Variants in SPMAP2 observed in about 807,000 individuals in gnomAD.
The protein encoded by SPMAP2 is Theg homolog.
chr19:373,305 A>G, the SPMAP2 span, among the ~76,000 whole-genome samples: 2 of 152,132 alleles, frequency 1.3e-5, no homozygotes. Flanking sequence ...CACCCCCAGG[A>G]CCAGTCTCAG....
At chr19:362,111 C>A in the SPMAP2 span, 2 of 1,008,466 alleles carry the variant, frequency 2.0e-6, no homozygotes, top group African/African-American at 1.7e-5. Flanking sequence ...GGCCTTCTAG[C>A]CCGCCCTCCC....
chr19:375,896 C>T, the SPMAP2 span: 3 of 1,532,796 alleles, frequency 2.0e-6, no homozygotes, highest in Admixed American at 6.0e-5. Flanking sequence ...GGTCGCCGTC[C>T]TGCTCCCTTT....
At chr19:370,391 G>C in the SPMAP2 span, among the ~76,000 whole-genome samples, 9 of 151,794 alleles carry the variant, frequency 5.9e-5, no homozygotes. Flanking sequence ...GCCCAGGCTG[G>C]AGGGCAGTGG....
the SPMAP2 span, chr19:371,249 C>A: frequency 2.6e-6 from 4 of 1,510,184 alleles, no homozygotes; most frequent in African/African-American, 1.4e-5. Context: ...ATCTTCGGGG[C>A]GGCCAGTTCC....
the SPMAP2 span, among the ~76,000 whole-genome samples, chr19:364,687 C>T: frequency 6.6e-6 from 1 of 152,128 alleles, no homozygotes; most frequent in Non-Finnish European, 1.5e-5. Flanking sequence ...TCTCCTCCCC[C>T]TGGCTGGGGT....
At chr19:374,491 C>A in the SPMAP2 span, 1 of 1,601,708 alleles carries the variant, frequency 6.2e-7, no homozygotes, top group Non-Finnish European at 8.5e-7. Context: ...CCCAGAGAAG[C>A]GTGGGTCTTG....
chr19:362,500 G>C, the SPMAP2 span: 15 of 1,253,514 alleles, frequency 1.2e-5, no homozygotes, highest in Non-Finnish European at 1.6e-5. Context: ...GGGCATGGGA[G>C]CTCACACCTG....
chr19:374,004 G>T, the SPMAP2 span: 1 of 1,613,348 alleles, frequency 6.2e-7, no homozygotes. Context: ...TTACCACAGC[G>T]TCCCTTCCTG....
At chr19:372,903 G>A in the SPMAP2 span, among the ~76,000 whole-genome samples, 1 of 152,240 alleles carries the variant, frequency 6.6e-6, no homozygotes, top group South Asian at 2.1e-4. Flanking sequence ...GGGCTCAGAG[G>A]CTTGAAGGTC....
At chr19:373,970 C>A in the SPMAP2 span, 1 of 1,613,666 alleles carries the variant, frequency 6.2e-7, no homozygotes, top group Non-Finnish European at 8.5e-7. Flanking sequence ...GCTCATCTTA[C>A]ATGGGGAGAT....
chr19:364,087 A>T, the SPMAP2 span, among the ~76,000 whole-genome samples: 2 of 151,414 alleles, frequency 1.3e-5, no homozygotes, highest in African/African-American at 4.8e-5. Flanking sequence ...TAATCCCAGC[A>T]CTCTGGGAGG....
the SPMAP2 span, chr19:375,917 C>T: frequency 5.2e-5 from 78 of 1,491,342 alleles, no homozygotes; most frequent in Middle Eastern, 9.0e-4. Flanking sequence ...CCGACCTGCC[C>T]GCAGCCTCAG....
the SPMAP2 span, chr19:374,660 C>A: frequency 1.8e-6 from 1 of 552,768 alleles, no homozygotes; most frequent in Non-Finnish European, 3.2e-6. Flanking sequence ...CTCCCCTGGT[C>A]CTCAGCTTCC....
At chr19:365,611 AC>A in the SPMAP2 span, among the ~76,000 whole-genome samples, 7 of 84,804 alleles carry the variant, frequency 8.3e-5, no homozygotes, top group East Asian at 1.7e-3. Flanking sequence ...CCACACTCTT[AC>A]CCCCACATAG....
At chr19:376,009 C>A in the SPMAP2 span, 6 of 1,381,912 alleles carry the variant, frequency 4.3e-6, no homozygotes, top group South Asian at 9.8e-5. Flanking sequence ...CTCACTCTCC[C>A]GGCACCCAAA....
the SPMAP2 span, among the ~76,000 whole-genome samples, chr19:369,563 C>T: frequency 3.9e-5 from 6 of 152,162 alleles, no homozygotes; most frequent in Admixed American, 3.9e-4. Context: ...GCTCCCTCTC[C>T]CCACCCGGAG....
chr19:364,297 A>G, the SPMAP2 span, among the ~76,000 whole-genome samples: 55 of 144,548 alleles, frequency 3.8e-4, no homozygotes, highest in Non-Finnish European at 1.8e-4. Flanking sequence ...AGATCGCGCC[A>G]CTGCGCTCCA....
the SPMAP2 span, chr19:374,445 G>A: frequency 7.4e-6 from 12 of 1,613,780 alleles, no homozygotes; most frequent in East Asian, 2.0e-4. Context: ...CCACGTTGAA[G>A]TTGGAGCTGC....
chr19:366,095 G>A, the SPMAP2 span, among the ~76,000 whole-genome samples: 69 of 151,848 alleles, frequency 4.5e-4, no homozygotes, highest in African/African-American at 1.4e-3. Context: ...AGCCGAGATC[G>A]CGCCACTGCA....
Sources: allele counts gnomAD v4.1 joint callset (sites outside exome capture counted in the v4.1 genomes callset), GRCh38; gene constraint gnomAD v4.1.1; transcripts MANE v1.5; gene names NCBI Gene and HGNC (gene_info 2026-07-23, HGNC 2026-07-21).